PARD3: variants seen among roughly 807,000 people sequenced by gnomAD.
PARD3 encodes the protein partitioning defective 3 homolog.
Under a neutral mutation model 155.4 loss-of-function variants are expected in PARD3, and 75 were observed. The observed-to-expected ratio is 0.48, with a 90% CI of 0.40 to 0.58. The LOEUF is 0.58. Among genes scored for constraint, PARD3 ranks in the 20% least tolerant of loss-of-function variants. The pLI, the probability that PARD3 is intolerant of heterozygous loss-of-function variation, is 0.00. For missense variants in PARD3, 1,642 were observed against 1,721.7 expected (o/e 0.95, Z 0.82); for synonymous variants, 576 against 610.5 (o/e 0.94, Z 0.83).
rs138607290 is a variant in PARD3, at chr10:34,687,751, G to A, written c.222+8567C>T. Among the ~76,000 whole-genome samples, 701 of 151,392 alleles carry A rather than the reference G, an allele frequency of 4.6e-3. 4 individuals carry two copies. The highest frequency in any genetic ancestry group is 7.4e-3 in the Non-Finnish European group (502 of 67,928). On this transcript the variant is annotated intron_variant, in intron 2 of 24. Transcript: ENST00000374788. ...AGATAGTAAAAGATGACAACATGGG[G>A]AAGAGGAAGACTTTCTCCCTGTTGA...
At chr10:34,401,383 T>C (rs1799241363) in intron 6 of PARD3, among the ~76,000 whole-genome samples, 1 of 152,178 alleles carries the variant, frequency 6.6e-6, no homozygotes, top group African/African-American at 2.4e-5. Flanking sequence ...AATACATATA[T>C]TTACATGCAC....
At chr10:34,558,128 T>C (rs1195760936) in intron 2 of PARD3, among the ~76,000 whole-genome samples, 1 of 152,142 alleles carries the variant, frequency 6.6e-6, no homozygotes, top group Non-Finnish European at 1.5e-5. Flanking sequence ...TCTCACCATG[T>C]TCTCACTTTG....
intron 1 of PARD3, among the ~76,000 whole-genome samples, chr10:34,804,990 A>C (rs1843187859): frequency 1.3e-5 from 2 of 152,218 alleles, no homozygotes; most frequent in South Asian, 4.1e-4. Flanking sequence ...GTCTATCTCA[A>C]AGAGGCTTTT....
chr10:34,739,042 C>T (rs534790658), intron 1 of PARD3, among the ~76,000 whole-genome samples: 7 of 152,104 alleles, frequency 4.6e-5, no homozygotes, highest in Non-Finnish European at 1.0e-4. Flanking sequence ...TCACTTTCTC[C>T]GTTTTGTTTA....
In PARD3 at chr10:34,633,376, C is replaced by T. The variant is rs114575471; in HGVS notation, c.222+62942G>A. On this transcript the variant is annotated intron_variant, in intron 2 of 24. Transcript: ENST00000374788. The stretch of plus-strand genomic sequence containing the variant: ...AACCGCTAACCTCCCAACCTCTAAC[C>T]CCCATTCCTCTTTGCTTCTGTGAGT... Among the ~76,000 whole-genome samples the T allele has an allele frequency of 1.3e-3, 205 of 152,176 alleles. 1 individual carries two copies. Among genetic ancestry groups the T allele is most frequent in the African/African-American group, 4.5e-3 (188 of 41,502 alleles).
intron 3 of PARD3, among the ~76,000 whole-genome samples, chr10:34,496,005 C>G (rs1364112566): frequency 3.9e-5 from 6 of 151,940 alleles, no homozygotes. Context: ...GAGTTTGAGA[C>G]CAGCCTGGGC....
At chr10:34,205,255 T>A (rs1311738809) in intron 22 of PARD3, among the ~76,000 whole-genome samples, 1 of 151,974 alleles carries the variant, frequency 6.6e-6, no homozygotes, top group Non-Finnish European at 1.5e-5. Context: ...GGAAATGAGA[T>A]CTTTAACACC....
chr10:34,568,808 G>A (rs1368535010), intron 2 of PARD3, among the ~76,000 whole-genome samples: 2 of 152,138 alleles, frequency 1.3e-5, no homozygotes, highest in African/African-American at 4.8e-5. Flanking sequence ...TAAAAAAGAT[G>A]CACTCAAATG....
At chr10:34,130,833 T>C (rs1660757091) in intron 23 of PARD3, among the ~76,000 whole-genome samples, 1 of 152,136 alleles carries the variant, frequency 6.6e-6, no homozygotes, top group Non-Finnish European at 1.5e-5. Context: ...GACTGAAGAA[T>C]GAGGATCACT....
intron 22 of PARD3, among the ~76,000 whole-genome samples, chr10:34,253,249 T>C (rs1003822075): frequency 6.6e-6 from 1 of 152,204 alleles, no homozygotes; most frequent in African/African-American, 2.4e-5. Flanking sequence ...GTAAAGTAGT[T>C]TGTGTCAAGT....
At chr10:34,682,613 T>C (rs572006658) in intron 2 of PARD3, among the ~76,000 whole-genome samples, 13 of 152,270 alleles carry the variant, frequency 8.5e-5, no homozygotes, top group African/African-American at 1.7e-4. Context: ...CTAAGCACTT[T>C]TGGGAGGCTG....
intron 7 of PARD3, among the ~76,000 whole-genome samples, chr10:34,392,872 C>T (rs1223502990): frequency 6.6e-6 from 1 of 152,038 alleles, no homozygotes; most frequent in Non-Finnish European, 1.5e-5. Context: ...ATGAAAAATA[C>T]TAGAATGTAA....
intron 1 of PARD3, among the ~76,000 whole-genome samples, chr10:34,809,735 A>G (rs1332937144): frequency 6.6e-6 from 1 of 152,218 alleles, no homozygotes; most frequent in African/African-American, 2.4e-5. Flanking sequence ...ACCAGAGGAC[A>G]ATGTGACTTG....
At chr10:34,549,371 A>G (rs1183037676) in intron 2 of PARD3, among the ~76,000 whole-genome samples, 1 of 152,226 alleles carries the variant, frequency 6.6e-6, no homozygotes. Flanking sequence ...ATGTAAAAAC[A>G]TTCTCTTATC....
intron 23 of PARD3, among the ~76,000 whole-genome samples, chr10:34,128,975 G>A (rs1163757200): frequency 6.6e-6 from 1 of 152,162 alleles, no homozygotes; most frequent in Non-Finnish European, 1.5e-5. Flanking sequence ...TCTAGGTGAT[G>A]CTAAAGGTGC....
intron 1 of PARD3, among the ~76,000 whole-genome samples, chr10:34,720,269 A>G (rs1162553905): frequency 4.6e-5 from 7 of 152,104 alleles, no homozygotes; most frequent in Non-Finnish European, 5.9e-5. Context: ...CCCTGTCTCT[A>G]TTAAAAATAC....
chr10:34,563,207 C>T (rs1368723475), intron 2 of PARD3, among the ~76,000 whole-genome samples: 2 of 152,038 alleles, frequency 1.3e-5, no homozygotes, highest in Admixed American at 1.3e-4. Flanking sequence ...TTCAGTTACT[C>T]GGATTATAAA....
chr10:34,535,946 G>A (rs73267309), intron 2 of PARD3, among the ~76,000 whole-genome samples: 6,235 of 152,106 alleles, frequency 0.041, 369 homozygotes, highest in African/African-American at 0.13. Flanking sequence ...ACAAACACCC[G>A]AGCTGGTTTT....
At chr10:34,665,087 A>C (rs981389261) in intron 2 of PARD3, among the ~76,000 whole-genome samples, 13 of 152,112 alleles carry the variant, frequency 8.5e-5, no homozygotes, top group Non-Finnish European at 1.3e-4. Context: ...ACAATTACAA[A>C]GTTTTTTTTA....
Sources: allele counts gnomAD v4.1 joint callset (sites outside exome capture counted in the v4.1 genomes callset), GRCh38; gene constraint gnomAD v4.1.1; transcripts MANE v1.5; gene names NCBI Gene and HGNC (gene_info 2026-07-23, HGNC 2026-07-21).